The following SPIDR variants were observed in gnomAD, a reference collection of about 807,000 sequenced individuals.
The protein encoded by SPIDR is scaffold protein involved in DNA repair.
In SPIDR, 93 loss-of-function variants were observed where a neutral mutation model predicts 104.6. The observed-to-expected ratio is 0.89, with a 90% CI of 0.75 to 1.06. SPIDR has a LOEUF of 1.06. SPIDR is among the 50% of genes least tolerant of loss of function. The pLI is 0.00. For synonymous variants in SPIDR, 431 were observed against 416.9 expected, an observed-to-expected ratio of 1.03 and a Z score of -0.41; for missense variants, 1,154 against 1,111.2, an observed-to-expected ratio of 1.04 and a Z score of -0.55.
At chr8:47,473,130 G>A (rs1315771122) in intron 8 of SPIDR, among the ~76,000 whole-genome samples, 6 of 152,106 alleles carry the variant, frequency 3.9e-5, no homozygotes, top group Admixed American at 6.5e-5. Context: ...TAACACACCC[G>A]TCAGGTTAAT....
intron 8 of SPIDR, among the ~76,000 whole-genome samples, chr8:47,585,918 T>C (rs550071715): frequency 2.0e-5 from 3 of 152,160 alleles, no homozygotes; most frequent in East Asian, 3.9e-4. Flanking sequence ...TACTGCCACA[T>C]TGGGGATTAA....
intron 10 of SPIDR, among the ~76,000 whole-genome samples, chr8:47,655,843 G>A (rs1012623540): frequency 3.3e-5 from 5 of 152,068 alleles, no homozygotes; most frequent in African/African-American, 1.2e-4. Context: ...TTCTTCTCGG[G>A]TTTTTATGGT....
chr8:47,639,528 A>G (rs1384804337), intron 10 of SPIDR, among the ~76,000 whole-genome samples: 4 of 152,178 alleles, frequency 2.6e-5, no homozygotes, highest in African/African-American at 9.7e-5. Flanking sequence ...GGAAGAGTGT[A>G]TGGCGTTCCT....
chr8:47,471,307 A>T (rs2075668705), intron 8 of SPIDR, among the ~76,000 whole-genome samples: 1 of 146,722 alleles, frequency 6.8e-6, no homozygotes, highest in African/African-American at 2.5e-5. Flanking sequence ...TATATAGGGA[A>T]TTCCTATAAT....
intron 10 of SPIDR, among the ~76,000 whole-genome samples, chr8:47,649,454 T>C (rs1292033821): frequency 2.0e-5 from 3 of 152,182 alleles, no homozygotes; most frequent in Non-Finnish European, 4.4e-5. Context: ...TGAGGAACCA[T>C]TCCAGACTGC....
At chr8:47,523,523 G>A (rs2084498715) in intron 8 of SPIDR, among the ~76,000 whole-genome samples, 1 of 152,196 alleles carries the variant, frequency 6.6e-6, no homozygotes, top group African/African-American at 2.4e-5. Flanking sequence ...CTTTTCAGAA[G>A]TCCTTCGATG....
At chr8:47,616,851 C>A (rs1165023217) in intron 10 of SPIDR, among the ~76,000 whole-genome samples, 1 of 152,148 alleles carries the variant, frequency 6.6e-6, no homozygotes, top group Admixed American at 6.5e-5. Flanking sequence ...TTATTTAAAT[C>A]TCCTTAGATT....
Position 47,735,208 on chromosome 8 carries a change from G to A in SPIDR, c.2605-99G>A, listed in dbSNP as rs1589664266. The A allele has an allele frequency of 6.8e-6, 8 of 1,176,652 alleles. No individual in the cohort carries two copies. In the East Asian group the frequency reaches 1.9e-4, roughly 28 times the overall value. The allele number at this position is 1,176,652 out of a possible 1,614,324, so 72.9% of individuals were successfully genotyped here. ...TGAGGAGTGGAAGGTCGTGGACTGG[G>A]GAAAGGGCCTTCCACTCTGGCTCTC... On this transcript the variant is annotated intron_variant, in intron 19 of 19. Coordinates refer to ENST00000297423, the MANE Select transcript of SPIDR (RefSeq NM_001080394.4).
In SPIDR at chr8:47,275,492, A is replaced by T. The variant is rs1276438162; in HGVS notation, c.34-4370A>T. Among the ~76,000 whole-genome samples, 9 of 152,288 alleles carry T rather than the reference A, an allele frequency of 5.9e-5. No individual in the cohort carries two copies. In the East Asian group the frequency reaches 1.3e-3, roughly 23 times the overall value. On this transcript the variant is annotated intron_variant, in intron 1 of 19. Transcript: ENST00000297423. ...GAATAATATTTTCCATTCTGATAAA[A>T]TCAAAAGCAGATTATGTATTCTTAT...
chr8:47,526,320 C>G (rs1205570822), intron 8 of SPIDR, among the ~76,000 whole-genome samples: 1 of 152,136 alleles, frequency 6.6e-6, no homozygotes, highest in African/African-American at 2.4e-5. Context: ...GATTAAACAT[C>G]AATAAATTTT....
intron 5 of SPIDR, among the ~76,000 whole-genome samples, chr8:47,363,453 ACCTCAG>A (rs1235037878): frequency 1.1e-4 from 16 of 144,650 alleles, no homozygotes; most frequent in Non-Finnish European, 2.4e-4. Context: ...AGATCCACCC[ACCTCAG>A]CCTGAGATTA....
chr8:47,544,598 G>C (rs1159259647), intron 8 of SPIDR, among the ~76,000 whole-genome samples: 1 of 152,134 alleles, frequency 6.6e-6, no homozygotes, highest in Non-Finnish European at 1.5e-5. Flanking sequence ...ACCATTTGTT[G>C]AAAAGGACTT....
At chr8:47,710,573 A>G (rs1430127295) in intron 14 of SPIDR, among the ~76,000 whole-genome samples, 1 of 151,864 alleles carries the variant, frequency 6.6e-6, no homozygotes. Context: ...GGTTCAAGCA[A>G]TTCTCCTTCC....
intron 10 of SPIDR, among the ~76,000 whole-genome samples, chr8:47,607,868 T>C (rs1388949848): frequency 2.0e-5 from 3 of 151,110 alleles, no homozygotes; most frequent in African/African-American, 7.4e-5. Context: ...CATGTATACA[T>C]AGTTCCAATC....
intron 5 of SPIDR, among the ~76,000 whole-genome samples, chr8:47,360,235 A>G (rs1385107921): frequency 1.0e-5 from 1 of 99,520 alleles, no homozygotes; most frequent in Non-Finnish European, 1.8e-5. Context: ...ACAGAATGAG[A>G]CTCCATCTCA....
chr8:47,639,125 A>T (rs2068432474), intron 10 of SPIDR, among the ~76,000 whole-genome samples: 1 of 152,192 alleles, frequency 6.6e-6, no homozygotes, highest in Non-Finnish European at 1.5e-5. Flanking sequence ...TTTTTATAAA[A>T]GTTTGGTATG....
At position 47,625,899 on chromosome 8, in the gene SPIDR, T is replaced by C. The variant is rs537164010; in HGVS notation, c.1544+26703T>C. Among the ~76,000 whole-genome samples, 5 of 152,286 alleles carry C rather than the reference T, an allele frequency of 3.3e-5. No homozygotes were observed. In the East Asian group the frequency reaches 9.6e-4, roughly 29 times the overall value. Reference sequence around the variant, plus strand: ...TTGGAAAAAACTACTTGAAAGTTCATATGGAACCAAAAAAGAGCCCGCATT... The same window carrying C: ...TTGGAAAAAACTACTTGAAAGTTCACATGGAACCAAAAAAGAGCCCGCATT... On this transcript the variant is annotated intron_variant, in intron 10 of 19. Coordinates refer to ENST00000297423, the MANE Select transcript of SPIDR (RefSeq NM_001080394.4).
At chr8:47,614,202 T>A (rs1460786807) in intron 10 of SPIDR, among the ~76,000 whole-genome samples, 2 of 152,114 alleles carry the variant, frequency 1.3e-5, no homozygotes, top group Non-Finnish European at 2.9e-5. Flanking sequence ...GGACATGATC[T>A]CGTTCCTTCT....
intron 8 of SPIDR, among the ~76,000 whole-genome samples, chr8:47,553,388 A>G (rs2090864746): frequency 6.6e-6 from 1 of 152,186 alleles, no homozygotes; most frequent in East Asian, 1.9e-4. Flanking sequence ...CACCAATCAG[A>G]CATAGATTTG....
Sources: gnomAD v4.1 joint callset for allele counts (sites outside exome capture counted in the v4.1 genomes callset) on GRCh38, gnomAD v4.1.1 for gene constraint, MANE v1.5 for transcripts, NCBI Gene and HGNC (gene_info 2026-07-23, HGNC 2026-07-21) for gene names.